RIN2: variants seen among roughly 807,000 people sequenced by gnomAD.
RIN2 encodes the protein RAB5 interacting protein 2.
In RIN2, 36 loss-of-function variants were observed where a neutral mutation model predicts 78.0. That is an observed-to-expected ratio of 0.46 (90% CI 0.35 to 0.61). The LOEUF (loss-of-function observed/expected upper bound fraction) is 0.61, where lower values mean the gene tolerates loss of function less well. RIN2 is among the 20% of genes least tolerant of loss of function. The pLI is 0.00. For missense variants in RIN2, 1,087 were observed against 1,159.7 expected, an observed-to-expected ratio of 0.94 and a Z score of 0.91; for synonymous variants, 466 against 466.8, an observed-to-expected ratio of 1.00 and a Z score of 0.02.
chr20:19,763,159 C>G (rs1242942873), intron 1 of RIN2, among the ~76,000 whole-genome samples: 1 of 152,058 alleles, frequency 6.6e-6, no homozygotes, highest in African/African-American at 2.4e-5. Flanking sequence ...CTGAGGTGGG[C>G]AGATCACTTG....
At chr20:19,834,282 T>G (rs2036338189) in intron 2 of RIN2, among the ~76,000 whole-genome samples, 1 of 152,186 alleles carries the variant, frequency 6.6e-6, no homozygotes, top group Admixed American at 6.5e-5. Context: ...TTCAGCTTTT[T>G]GCTTAAGTGG....
At chr20:19,791,195 T>C (rs187458014) in intron 1 of RIN2, among the ~76,000 whole-genome samples, 19 of 152,350 alleles carry the variant, frequency 1.2e-4, no homozygotes, top group Admixed American at 2.0e-4. Flanking sequence ...ATTTCTTTAA[T>C]TGGAAAAATA....
chr20:19,794,332 G>A (rs560837745), intron 1 of RIN2, among the ~76,000 whole-genome samples: 2 of 152,252 alleles, frequency 1.3e-5, no homozygotes, highest in East Asian at 3.9e-4. Flanking sequence ...ACGGCGGGCA[G>A]ATCACCTGAG....
intron 2 of RIN2, among the ~76,000 whole-genome samples, chr20:19,874,132 AT>A (rs2037783705): frequency 6.6e-6 from 1 of 151,990 alleles, no homozygotes; most frequent in African/African-American, 2.4e-5. Flanking sequence ...CCTAAAGTAA[AT>A]GCCAAACAAC....
intron 2 of RIN2, among the ~76,000 whole-genome samples, chr20:19,837,851 T>C (rs2036468401): frequency 6.6e-6 from 1 of 152,080 alleles, no homozygotes; most frequent in South Asian, 2.1e-4. Context: ...CTTTCCTTTC[T>C]TGTGGGAGTG....
chr20:19,834,020 G>A (rs373580983), intron 2 of RIN2, among the ~76,000 whole-genome samples: 17 of 152,238 alleles, frequency 1.1e-4, no homozygotes, highest in African/African-American at 3.9e-4. Context: ...ACCCCCAGTG[G>A]CCTGGTAACC....
intron 7 of RIN2, among the ~76,000 whole-genome samples, chr20:19,967,637 A>G (rs1366050570): frequency 3.3e-5 from 5 of 152,156 alleles, no homozygotes. Context: ...TTCACCCCCA[A>G]TGCCTGGCAA....
intron 2 of RIN2, among the ~76,000 whole-genome samples, chr20:19,807,372 G>A (rs6035442): frequency 0.44 from 66,970 of 151,950 alleles, 19,385 homozygotes; most frequent in African/African-American, 0.83. Flanking sequence ...TTAAGTCTTT[G>A]CCAGTGCTAG....
At chr20:19,853,742 T>G (rs1343780689) in intron 2 of RIN2, among the ~76,000 whole-genome samples, 1 of 152,232 alleles carries the variant, frequency 6.6e-6, no homozygotes, top group Non-Finnish European at 1.5e-5. Context: ...TTTTTTCTTG[T>G]AAATTTCTTT....
At chr20:19,979,696 G>T (rs2042385113) in intron 9 of RIN2, among the ~76,000 whole-genome samples, 2 of 151,630 alleles carry the variant, frequency 1.3e-5, no homozygotes, top group Admixed American at 6.6e-5. Flanking sequence ...TAATTTTTCA[G>T]GTCACAGTTT....
intron 2 of RIN2, among the ~76,000 whole-genome samples, chr20:19,851,011 AAG>A (rs2036944800): frequency 1.1e-5 from 1 of 91,638 alleles, no homozygotes; most frequent in African/African-American, 4.9e-5. Flanking sequence ...GGAAGGAAGG[AAG>A]GAAGGAAGGA....
At chr20:19,793,451 CT>C (rs2034952028) in intron 1 of RIN2, among the ~76,000 whole-genome samples, 1 of 152,082 alleles carries the variant, frequency 6.6e-6, no homozygotes, top group African/African-American at 2.4e-5. Context: ...GTCTTTCTCT[CT>C]CTCGTACCCC....
intron 11 of RIN2, 75 bp downstream of exon 11, chr20:19,992,374 T>A (rs2042823069): frequency 7.2e-7 from 1 of 1,389,954 alleles, no homozygotes; most frequent in Non-Finnish European, 9.7e-7. Flanking sequence ...ACGAAATTCA[T>A]GTCACATAAC....
chr20:19,934,710 G>A, intron 3 of RIN2: 9 of 661,824 alleles, frequency 1.4e-5, no homozygotes, highest in Non-Finnish European at 1.7e-5. Context: ...GGTTCCTTTG[G>A]AGGGTTTCCC....
chr20:19,988,406 C>T lies in RIN2; in HGVS notation c.1763-1600C>T, dbSNP rs543930457. Among the ~76,000 whole-genome samples, 5 of 152,302 alleles carry T rather than the reference C, an allele frequency of 3.3e-5. No individual in the cohort carries two copies. The South Asian group carries it at 8.3e-4, about 25-fold the overall frequency. On this transcript the variant is annotated intron_variant, in intron 9 of 12. Coordinates refer to ENST00000255006, the MANE Select transcript of RIN2 (RefSeq NM_018993.4). ...AAGTGCTGGGATTACAGTCATGAGC[C>T]GCCATGCCTGGCCTAACTTAACTAT...
chr20:19,822,614 G>A lies in RIN2; in HGVS notation c.-37+22867G>A, dbSNP rs2035959295. 3.3e-5 allele frequency among the ~76,000 whole-genome samples: 5 copies of A among 151,882 alleles called. 1 individual carries two copies. In the South Asian group the frequency reaches 1.0e-3, roughly 32 times the overall value. On this transcript the variant is annotated intron_variant, in intron 2 of 12. Coordinates refer to ENST00000255006, the MANE Select transcript of RIN2 (RefSeq NM_018993.4). Reference sequence around the variant, plus strand: ...TAATGACACCTATTCTTCTAGGCAGGATAGGTTCTTACTGATTTACACTAA... The same window carrying A: ...TAATGACACCTATTCTTCTAGGCAGAATAGGTTCTTACTGATTTACACTAA...
At chr20:19,831,765 T>C (rs1209777348) in intron 2 of RIN2, among the ~76,000 whole-genome samples, 1 of 152,196 alleles carries the variant, frequency 6.6e-6, no homozygotes, top group East Asian at 1.9e-4. Context: ...ATATAAGAGC[T>C]ATATTCTGCA....
chr20:19,810,411 G>T (rs1480095028), intron 2 of RIN2, among the ~76,000 whole-genome samples: 2 of 151,922 alleles, frequency 1.3e-5, no homozygotes, highest in Non-Finnish European at 2.9e-5. Flanking sequence ...CTGTCTCAAA[G>T]AAATGAAAAA....
At chr20:19,912,449 G>A (rs928667358) in intron 3 of RIN2, among the ~76,000 whole-genome samples, 26 of 150,380 alleles carry the variant, frequency 1.7e-4, no homozygotes, top group African/African-American at 5.6e-4. Context: ...TGCTGGGATG[G>A]TCATTTCTTT....
Sources: allele counts gnomAD v4.1 joint callset (sites outside exome capture counted in the v4.1 genomes callset), GRCh38; gene constraint gnomAD v4.1.1; transcripts MANE v1.5; gene names NCBI Gene and HGNC (gene_info 2026-07-23, HGNC 2026-07-21).